DHCR24: variants seen among roughly 807,000 people sequenced by gnomAD.
The protein encoded by DHCR24 is delta(24)-sterol reductase.
Under a neutral mutation model 61.2 loss-of-function variants are expected in DHCR24, and 28 were observed. The ratio of observed to expected loss-of-function variants is 0.46; its 90% CI spans 0.34 to 0.63. The LOEUF is 0.63. Among genes scored for constraint, DHCR24 ranks in the 20% least tolerant of loss-of-function variants. DHCR24 has a pLI of 0.01. For synonymous variants in DHCR24, 261 were observed against 275.9 expected (o/e 0.95, Z 0.54); for missense variants, 538 against 679.1 (o/e 0.79, Z 2.31).
rs959418995 is a variant in DHCR24 at position 54,854,159 on chromosome 1, G to A, written c.1096C>T (p.Leu366=). 5 of 1,614,026 alleles carry A rather than the reference G, an allele frequency of 3.1e-6. No homozygotes were observed. In the African/African-American group the frequency reaches 6.7e-5, roughly 22 times the overall value. ...AGGGTCTCACCCTGGGTCAGCTTCAGGAGGGAGATCTTGGGAGGCACCATC... is the reference window on the plus strand; with the variant it reads ...AGGGTCTCACCCTGGGTCAGCTTCAAGAGGGAGATCTTGGGAGGCACCATC... ...GWMVPPKISL[L]KLTQGETLRK... The change falls in exon 7 of 9, where the codon CTG becomes TTG. Residue 366 remains leucine (L), a synonymous_variant. Coordinates refer to ENST00000371269, the MANE Select transcript of DHCR24 (RefSeq NM_014762.4).
Position 54,851,699 on chromosome 1 carries a change from T to C in DHCR24, c.*534A>G, listed in dbSNP as rs1324005785. On this transcript the variant is annotated 3_prime_UTR_variant, in exon 9 of 9. Transcript: ENST00000371269. ...TCCCAGGGTGGGGAAGAGCTGTCCT[T>C]CTCCTGTGAGGACCTCGTCTGGCTG... 6.3e-6 allele frequency: 1 copy of C among 159,074 alleles called. No individual in the cohort carries two copies. Among genetic ancestry groups the C allele is most frequent in the East Asian group, 1.9e-4 (1 of 5,366 alleles). The allele number at this position is 159,074 out of a possible 1,614,324, so 9.9% of individuals were successfully genotyped here. A position where few individuals can be genotyped will look rare whatever the true frequency, so the allele number is the denominator to read the frequency against.
rs538306059 is a variant in DHCR24, at chr1:54,861,092, A to C, written c.1020+4211T>G. On this transcript the variant is annotated intron_variant, in intron 6 of 8. Coordinates refer to ENST00000371269, the MANE Select transcript of DHCR24 (RefSeq NM_014762.4). The stretch of plus-strand genomic sequence containing the variant: ...CCTTGGCCTTCTTTCTTTACATTCC[A>C]GTGATCTTATCTTCCACATGTCCTT... Among the ~76,000 whole-genome samples, 11 of 151,932 alleles carry C rather than the reference A, an allele frequency of 7.2e-5. No individual in the cohort carries two copies. The East Asian group carries it at 1.7e-3, about 24-fold the overall frequency.
intron 5 of DHCR24, among the ~76,000 whole-genome samples, chr1:54,870,127 CA>C (rs1646990116): frequency 6.6e-6 from 1 of 151,520 alleles, no homozygotes; most frequent in Admixed American, 6.6e-5. Context: ...GAGGCTAAGG[CA>C]GGAGGATTGC....
At chr1:54,885,585 A>G (rs1647088487) in intron 1 of DHCR24, among the ~76,000 whole-genome samples, 1 of 152,156 alleles carries the variant, frequency 6.6e-6, no homozygotes, top group African/African-American at 2.4e-5. Context: ...TAGGCACAAG[A>G]TCTACCAGGG....
chr1:54,883,091 TGTG>T lies in DHCR24; in HGVS notation c.387+524_387+526del, dbSNP rs1186772439. 6.6e-6 allele frequency among the ~76,000 whole-genome samples: 1 copy of T among 152,196 alleles called. No individual in the cohort carries two copies. Among genetic ancestry groups the T allele is most frequent in the Admixed American group, 6.5e-5 (1 of 15,284 alleles). ...TAATGACTACCCTATTATTGGATAT[TGTG>T]TTGTTGTCAATTAGAAATAAAGCTG... On this transcript the variant is annotated intron_variant, in intron 2 of 8. Coordinates refer to ENST00000371269, the MANE Select transcript of DHCR24 (RefSeq NM_014762.4). The surrounding 1 kb of genome is among the most constrained non-coding windows in gnomAD (Gnocchi z 4.3).
At position 54,852,146 on chromosome 1, in the gene DHCR24, G is replaced by A; in HGVS notation, c.*87C>T. On this transcript the variant is annotated 3_prime_UTR_variant, in exon 9 of 9. Transcript: ENST00000371269. ...GTTCTGGAGGGGTTTCTCTTTGAAA[G>A]TGTGGATCTAGGAAAGCAGCCAAGC... The A allele has an allele frequency of 2.6e-6, 4 of 1,544,468 alleles. No homozygotes were observed. Among genetic ancestry groups the A allele is most frequent in the Non-Finnish European group, 3.5e-6 (4 of 1,126,878 alleles).
At chr1:54,857,635 A>G (rs917442742) in intron 6 of DHCR24, among the ~76,000 whole-genome samples, 1 of 152,270 alleles carries the variant, frequency 6.6e-6, no homozygotes, top group African/African-American at 2.4e-5. Flanking sequence ...TAAATGTAAC[A>G]TTTAAACAGT....
chr1:54,883,557 T>A lies in DHCR24; in HGVS notation c.387+61A>T. On this transcript the variant is annotated intron_variant, in intron 2 of 8. Coordinates refer to ENST00000371269, the MANE Select transcript of DHCR24 (RefSeq NM_014762.4). This position sits in a 1 kb window ranked among gnomAD's most constrained non-coding sequence, Gnocchi z 4.3. Reference sequence around the variant, plus strand: ...TTGGCTAAAATCATCTCCCTATGAGTCACTTGCACCAGGGGCAGTGCCCCA... The same window carrying A: ...TTGGCTAAAATCATCTCCCTATGAGACACTTGCACCAGGGGCAGTGCCCCA... 6.2e-7 allele frequency: 1 copy of A among 1,604,084 alleles called. No homozygotes were observed. Among genetic ancestry groups the A allele is most frequent in the South Asian group, 1.1e-5 (1 of 90,552 alleles).
At chr1:54,886,473 G>C in intron 1 of DHCR24, 1 of 695,414 alleles carries the variant, frequency 1.4e-6, no homozygotes, top group South Asian at 1.6e-5. Flanking sequence ...CCCTGCACTT[G>C]TCGGCTTCCC....
Position 54,860,906 on chromosome 1 carries a change from T to A in DHCR24, c.1020+4397A>T, listed in dbSNP as rs374707201. Among the ~76,000 whole-genome samples the A allele has an allele frequency of 2.1e-4, 31 of 150,688 alleles. 1 individual carries two copies. The highest frequency in any genetic ancestry group is 7.3e-4 in the African/African-American group (30 of 40,864). ...GGGGGGCTGAGGCAGGAGAATGGCATGAACCCGGGAGGCGGCACTTGCAGT... is the reference window on the plus strand; with the variant it reads ...GGGGGGCTGAGGCAGGAGAATGGCAAGAACCCGGGAGGCGGCACTTGCAGT... On this transcript the variant is annotated intron_variant, in intron 6 of 8. Coordinates refer to ENST00000371269, the MANE Select transcript of DHCR24 (RefSeq NM_014762.4).
chr1:54,884,368 C>A (rs1416993988), intron 1 of DHCR24, among the ~76,000 whole-genome samples: 1 of 152,078 alleles, frequency 6.6e-6, no homozygotes, highest in Non-Finnish European at 1.5e-5. Context: ...TTATCACATG[C>A]CAAGGCCTGT....
chr1:54,852,034 C>G lies in DHCR24; in HGVS notation c.*199G>C. On this transcript the variant is annotated 3_prime_UTR_variant, in exon 9 of 9. Coordinates refer to ENST00000371269, the MANE Select transcript of DHCR24 (RefSeq NM_014762.4). The stretch of plus-strand genomic sequence containing the variant: ...AACGGGGAACTGGACTCAGGCTTGT[C>G]TGACTCCAAATCCCACATTCTTTCC... 1.6e-6 allele frequency: 1 copy of G among 638,708 alleles called. No homozygotes were observed. The highest frequency in any genetic ancestry group is 2.7e-6 in the Non-Finnish European group (1 of 370,732). 39.6% of individuals were successfully genotyped at this position (638,708 alleles called of 1,614,324 possible). A position where few individuals can be genotyped will look rare whatever the true frequency, so the allele number is the denominator to read the frequency against.
chr1:54,878,757 C>T (rs1647048863), intron 2 of DHCR24, among the ~76,000 whole-genome samples: 1 of 152,008 alleles, frequency 6.6e-6, no homozygotes, highest in Non-Finnish European at 1.5e-5. Flanking sequence ...ACTTAGCTGC[C>T]TCCTAGAGCA....
chr1:54,860,569 C>T (rs1412207388), intron 6 of DHCR24, among the ~76,000 whole-genome samples: 1 of 152,216 alleles, frequency 6.6e-6, no homozygotes, highest in Non-Finnish European at 1.5e-5. Context: ...GAAACATGTG[C>T]CCAATACCTC....
At chr1:54,866,932 C>T (rs1646971229) in intron 5 of DHCR24, among the ~76,000 whole-genome samples, 1 of 152,224 alleles carries the variant, frequency 6.6e-6, no homozygotes, top group Non-Finnish European at 1.5e-5. Flanking sequence ...AACAGAGCAA[C>T]CTGATCTAAC....
At chr1:54,864,469 C>G (rs114819441) in intron 6 of DHCR24, among the ~76,000 whole-genome samples, 2,761 of 152,248 alleles carry the variant, frequency 0.018, 34 homozygotes, top group Non-Finnish European at 0.028. Context: ...TGTGAAATAT[C>G]CAGAATAAGT....
chr1:54,876,972 C>T (rs1021567354), intron 2 of DHCR24, among the ~76,000 whole-genome samples: 5 of 151,732 alleles, frequency 3.3e-5, no homozygotes, highest in Admixed American at 1.3e-4. Context: ...TCCAGGAAGG[C>T]GGGGACAACT....
At position 54,875,929 on chromosome 1, in the gene DHCR24, A is replaced by G. The variant is rs770625875; in HGVS notation, c.493+13T>C. On this transcript the variant is annotated intron_variant, in intron 3 of 8. Transcript: ENST00000371269. ...CGTGTGTCTCTTCTTGCCCGTTAAT[A>G]TAGGGTCCTCACCCACTGTGAGGTC... The G allele has an allele frequency of 1.2e-6, 2 of 1,608,874 alleles. No individual in the cohort carries two copies. The highest frequency in any genetic ancestry group is 3.3e-5 in the Admixed American group (2 of 60,004).
At chr1:54,877,460 T>C (rs1647040147) in intron 2 of DHCR24, among the ~76,000 whole-genome samples, 1 of 151,644 alleles carries the variant, frequency 6.6e-6, no homozygotes. Context: ...GAGTTTTCAA[T>C]GCAGTGGACA....
Sources: allele counts gnomAD v4.1 joint callset (sites outside exome capture counted in the v4.1 genomes callset), GRCh38; gene constraint gnomAD v4.1.1; non-coding constraint Gnocchi (gnomAD v3.1); transcripts MANE v1.5; gene names NCBI Gene and HGNC (gene_info 2026-07-23, HGNC 2026-07-21).